RNF130: variants seen among roughly 807,000 people sequenced by gnomAD.
The protein encoded by RNF130 is E3 ubiquitin-protein ligase RNF130.
A neutral mutation model predicts 44.6 loss-of-function variants in RNF130; 21 were observed. That is an observed-to-expected ratio of 0.47 (90% CI 0.33 to 0.68). The LOEUF is 0.68. RNF130 is among the 30% of genes least tolerant of loss of function. RNF130 has a pLI of 0.02. For synonymous variants in RNF130, 214 were observed against 210.4 expected (o/e 1.02, Z -0.15); for missense variants, 479 against 560.6 (o/e 0.85, Z 1.47).
intron 3 of RNF130, among the ~76,000 whole-genome samples, chr5:179,981,573 A>G (rs1171542556): frequency 1.3e-5 from 2 of 152,250 alleles, no homozygotes; most frequent in African/African-American, 2.4e-5. Flanking sequence ...ACTGTGTTAG[A>G]TGATTTTGAA....
At chr5:179,945,264 C>A (rs1762021014) in intron 7 of RNF130, among the ~76,000 whole-genome samples, 1 of 151,946 alleles carries the variant, frequency 6.6e-6, no homozygotes, top group Admixed American at 6.5e-5. Context: ...AGTCCCACAC[C>A]CTGCAGGGTG....
intron 7 of RNF130, among the ~76,000 whole-genome samples, chr5:179,944,569 T>C (rs1434987283): frequency 6.6e-6 from 1 of 151,636 alleles, no homozygotes; most frequent in African/African-American, 2.4e-5. Context: ...GTTCAAGCAA[T>C]TTCTCCTGCC....
At chr5:179,975,365 GCTA>G (rs1762695959) in intron 5 of RNF130, among the ~76,000 whole-genome samples, 2 of 152,200 alleles carry the variant, frequency 1.3e-5, no homozygotes, top group South Asian at 4.1e-4. Context: ...GTGGGTGGGC[GCTA>G]CTGACACCTA....
intron 2 of RNF130, among the ~76,000 whole-genome samples, chr5:180,025,342 TCTG>T (rs758634115): frequency 1.1e-4 from 17 of 152,256 alleles, no homozygotes; most frequent in Non-Finnish European, 2.1e-4. Flanking sequence ...TTCCTCCTCT[TCTG>T]CTGCCAGTGA....
At chr5:180,028,269 T>C (rs1396536345) in intron 2 of RNF130, among the ~76,000 whole-genome samples, 2 of 152,178 alleles carry the variant, frequency 1.3e-5, no homozygotes, top group Non-Finnish European at 2.9e-5. Context: ...GTTCATCTTC[T>C]CTGCTTGTTA....
At chr5:180,043,044 G>A (rs755419783) in intron 1 of RNF130, among the ~76,000 whole-genome samples, 63 of 152,170 alleles carry the variant, frequency 4.1e-4, no homozygotes, top group Non-Finnish European at 7.6e-4. Flanking sequence ...CTGGCCAGGC[G>A]TGGTGGCACA....
intron 2 of RNF130, among the ~76,000 whole-genome samples, chr5:180,020,696 T>C (rs901264743): frequency 1.3e-5 from 2 of 152,300 alleles, no homozygotes; most frequent in Admixed American, 1.3e-4. Context: ...TTTCTTCTTA[T>C]GCTATCTCTT....
intron 3 of RNF130, 53 bp from the exon 4 acceptor site, chr5:179,980,253 G>A (rs1467610406): frequency 1.7e-5 from 25 of 1,507,930 alleles, no homozygotes; most frequent in Admixed American, 8.4e-5. Context: ...TCTGAATGAC[G>A]TACTTTATTT....
At chr5:179,991,268 T>C (rs1397670845) in intron 3 of RNF130, among the ~76,000 whole-genome samples, 1 of 152,210 alleles carries the variant, frequency 6.6e-6, no homozygotes, top group African/African-American at 2.4e-5. Context: ...AGCAATCTGA[T>C]GACTATATGT....
intron 3 of RNF130, among the ~76,000 whole-genome samples, chr5:179,992,915 C>T (rs557516394): frequency 3.1e-4 from 47 of 152,242 alleles, no homozygotes; most frequent in Admixed American, 2.9e-3. Context: ...TGATGTTCCC[C>T]ATCCTGTGTC....
At chr5:179,967,056 C>A (rs1442878817) in intron 6 of RNF130, 46 bp from the exon 7 acceptor site, 2 of 1,515,784 alleles carry the variant, frequency 1.3e-6, no homozygotes, top group East Asian at 2.3e-5. Flanking sequence ...GAAAACACAA[C>A]CTTTCATAAG....
At chr5:180,011,712 A>T (rs1188930251) in intron 3 of RNF130, among the ~76,000 whole-genome samples, 1 of 152,096 alleles carries the variant, frequency 6.6e-6, no homozygotes, top group Non-Finnish European at 1.5e-5. Context: ...GGCTGCAGTG[A>T]GCCATGACTG....
chr5:179,923,383 G>C (rs1761661325), intron 7 of RNF130, among the ~76,000 whole-genome samples: 1 of 152,130 alleles, frequency 6.6e-6, no homozygotes, highest in African/African-American at 2.4e-5. Flanking sequence ...GCACTATTCT[G>C]TTCTAGCAAT....
intron 7 of RNF130, chr5:179,940,078 A>G (rs1397252785): frequency 3.4e-5 from 7 of 206,050 alleles, no homozygotes; most frequent in Non-Finnish European, 6.7e-5. Context: ...TCATTCTCCA[A>G]CATGCTGTTT....
At chr5:180,021,678 T>C (rs867848614) in intron 2 of RNF130, among the ~76,000 whole-genome samples, 1 of 152,092 alleles carries the variant, frequency 6.6e-6, no homozygotes, top group African/African-American at 2.4e-5. Context: ...AAATATCATA[T>C]AAAAACTTTT....
chr5:179,979,449 TA>T (rs1483241688), intron 4 of RNF130, among the ~76,000 whole-genome samples: 2 of 151,892 alleles, frequency 1.3e-5, no homozygotes, highest in Non-Finnish European at 2.9e-5. Context: ...AGTCTGTGCT[TA>T]AATATTAGAA....
chr5:179,979,368 T>C (rs548324102), intron 4 of RNF130, among the ~76,000 whole-genome samples: 2 of 150,340 alleles, frequency 1.3e-5, no homozygotes, highest in African/African-American at 4.9e-5. Flanking sequence ...GGGAATAAAA[T>C]GGGTAAAGTC....
chr5:179,989,574 C>T (rs1043395887), intron 3 of RNF130, among the ~76,000 whole-genome samples: 1 of 152,032 alleles, frequency 6.6e-6, no homozygotes, highest in African/African-American at 2.4e-5. Flanking sequence ...ATTCTTACTG[C>T]TTTTGCTTTC....
In RNF130 at chr5:179,921,054, G is replaced by C. The variant is rs73810488; in HGVS notation, c.1151-628C>G. Among the ~76,000 whole-genome samples, 1,268 of 152,056 alleles carry C rather than the reference G, an allele frequency of 8.3e-3. 17 individuals carry two copies. The highest frequency in any genetic ancestry group is 0.029 in the African/African-American group (1,198 of 41,460). On this transcript the variant is annotated intron_variant, in intron 7 of 7. Transcript: ENST00000522208. ...CCATAGTTACATTATTTGACTATCT[G>C]TGCTACTCAAAGCTGAGCTGTGCTT...
Sources: gnomAD v4.1 joint callset for allele counts (sites outside exome capture counted in the v4.1 genomes callset) on GRCh38, gnomAD v4.1.1 for gene constraint, MANE v1.5 for transcripts, NCBI Gene and HGNC (gene_info 2026-07-23, HGNC 2026-07-21) for gene names.